PYGL: variants seen among roughly 807,000 people sequenced by gnomAD.
PYGL encodes glycogen phosphorylase L.
In PYGL, 90 loss-of-function variants were observed where a neutral mutation model predicts 100.1. The ratio of observed to expected loss-of-function variants is 0.90; its 90% CI spans 0.76 to 1.07. The LOEUF is 1.07. Ranked by LOEUF, PYGL falls within the 50% of genes least tolerant of loss-of-function variation. The pLI is 0.00. For missense variants in PYGL, 1,016 were observed against 1,057.6 expected, an observed-to-expected ratio of 0.96 and a Z score of 0.55; for synonymous variants, 373 against 393.0, an observed-to-expected ratio of 0.95 and a Z score of 0.60.
chr14:50,907,193 C>G (rs1036098288), intron 19 of PYGL, among the ~76,000 whole-genome samples: 3 of 152,102 alleles, frequency 2.0e-5, no homozygotes, highest in African/African-American at 7.2e-5. Context: ...TCTACCCATC[C>G]CTTTTTTTTC....
chr14:50,923,904 G>A (rs752566399), intron 5 of PYGL, 65 bp downstream of exon 5: 1 of 1,532,500 alleles, frequency 6.5e-7, no homozygotes, highest in Non-Finnish European at 9.0e-7. Flanking sequence ...ATGCTACATA[G>A]TCAATGTATT....
intron 4 of PYGL, among the ~76,000 whole-genome samples, chr14:50,930,913 AAC>A (rs894831779): frequency 1.3e-5 from 2 of 151,794 alleles, no homozygotes; most frequent in African/African-American, 4.9e-5. Context: ...TGTAGACTCA[AAC>A]AGTTACCAGA....
rs897164381 is a variant in PYGL at position 50,912,476 on chromosome 14, G to A, written c.1621-173C>T. 6.4e-6 allele frequency: 5 copies of A among 780,402 alleles called. No individual in the cohort carries two copies. In the African/African-American group the frequency reaches 8.7e-5, roughly 14 times the overall value. The allele number at this position is 780,402 out of a possible 1,614,324, so 48.3% of individuals were successfully genotyped here. On this transcript the variant is annotated intron_variant, in intron 13 of 19. Coordinates refer to ENST00000216392, the MANE Select transcript of PYGL (RefSeq NM_002863.5). ...CACATTCAAGCGATTATCCTATCAG[G>A]GATTACAGGTATACACCACTACTGC... is the stretch of plus-strand genomic sequence containing the variant.
intron 16 of PYGL, among the ~76,000 whole-genome samples, chr14:50,910,871 C>T (rs760523717): frequency 5.3e-5 from 8 of 152,222 alleles, no homozygotes; most frequent in East Asian, 1.9e-4. Flanking sequence ...CTGATTTGCA[C>T]GCAAATTAGA....
chr14:50,938,947 A>T (rs1167399732), intron 1 of PYGL, among the ~76,000 whole-genome samples: 1 of 152,194 alleles, frequency 6.6e-6, no homozygotes, highest in African/African-American at 2.4e-5. Context: ...AAACACAAAG[A>T]TTAACTCCCA....
rs113929915 is a variant in PYGL, at chr14:50,937,469, T to C, written c.345+267A>G. On this transcript the variant is annotated intron_variant, in intron 2 of 19. Transcript: ENST00000216392. ...CTTGTTCAGACACTAATTTCTGAAA[T>C]GTAATCTGTGAGGAATGCTGTCAAA... is the stretch of plus-strand genomic sequence containing the variant. Among the ~76,000 whole-genome samples, 280 of 152,372 alleles carry C rather than the reference T, an allele frequency of 1.8e-3. 2 individuals carry two copies. The highest frequency in any genetic ancestry group is 6.4e-3 in the African/African-American group (267 of 41,592).
chr14:50,929,820 A>G (rs879542599), intron 4 of PYGL, among the ~76,000 whole-genome samples: 1 of 152,236 alleles, frequency 6.6e-6, no homozygotes, highest in Non-Finnish European at 1.5e-5. Context: ...TTTCATTTTT[A>G]TAACTTTTAA....
chr14:50,915,012 A>G (rs2050432501), intron 11 of PYGL, among the ~76,000 whole-genome samples, 197 bp from the exon 12 acceptor site: 1 of 152,224 alleles, frequency 6.6e-6, no homozygotes, highest in Non-Finnish European at 1.5e-5. Flanking sequence ...AATTACCAGA[A>G]AAATTCCAAA....
At chr14:50,939,567 G>A (rs1413825502) in intron 1 of PYGL, among the ~76,000 whole-genome samples, 37 of 151,546 alleles carry the variant, frequency 2.4e-4, no homozygotes, top group Non-Finnish European at 1.5e-5. Flanking sequence ...TTTATATACA[G>A]CACAGTTTAC....
chr14:50,939,482 A>T (rs996869456), intron 1 of PYGL, among the ~76,000 whole-genome samples: 1 of 152,200 alleles, frequency 6.6e-6, no homozygotes, highest in Non-Finnish European at 1.5e-5. Flanking sequence ...TTTGCCTTTG[A>T]CATGGTAAAA....
chr14:50,912,497 A>G (rs2050409065), intron 13 of PYGL, 194 bp from the exon 14 acceptor site: 1 of 660,296 alleles, frequency 1.5e-6, no homozygotes, highest in Admixed American at 2.8e-5. Flanking sequence ...ATACACCACT[A>G]CTGCCTGGCT....
chr14:50,927,689 G>C (rs1379131242), intron 4 of PYGL, among the ~76,000 whole-genome samples: 1 of 152,180 alleles, frequency 6.6e-6, no homozygotes, highest in Non-Finnish European at 1.5e-5. Flanking sequence ...ATCTCCCGCT[G>C]ATTCAATAAA....
At chr14:50,923,687 C>CAAAAAAAA (rs762951824) in intron 5 of PYGL, 40 of 119,560 alleles carry the variant, frequency 3.3e-4, no homozygotes, top group East Asian at 1.6e-3. Context: ...AATTTTCTGG[C>CAAAAAAAA]AAAAAAAAAA....
In PYGL at chr14:50,944,414, G is replaced by A. The variant is rs1442152602; in HGVS notation, c.-11C>T. On this transcript the variant is annotated 5_prime_UTR_variant, in exon 1 of 20. Transcript: ENST00000216392. The stretch of plus-strand genomic sequence containing the variant: ...CAGGGGCTTCGCCATGGCTGGGGCG[G>A]CGGGCTGCGCGGCGGGCTGCGCAGA... The A allele has an allele frequency of 6.3e-7, 1 of 1,597,148 alleles. No homozygotes were observed. Among genetic ancestry groups the A allele is most frequent in the South Asian group, 1.1e-5 (1 of 90,102 alleles).
Position 50,921,095 on chromosome 14 carries a change from C to T in PYGL, c.661-28G>A, listed in dbSNP as rs762115596. 27 of 1,533,444 alleles carry T rather than the reference C, an allele frequency of 1.8e-5. No individual in the cohort carries two copies. The African/African-American group carries it at 3.3e-4, about 19-fold the overall frequency. 95.0% of individuals were successfully genotyped at this position (1,533,444 alleles called of 1,614,324 possible). Reference sequence around the variant, plus strand: ...GTGGGATTAAACAGAAGCAGCTGCTCATTGTTTCCCAAGTGTGATGACATA... The same window carrying T: ...GTGGGATTAAACAGAAGCAGCTGCTTATTGTTTCCCAAGTGTGATGACATA... On this transcript the variant is annotated intron_variant, in intron 5 of 19. Transcript: ENST00000216392.
At chr14:50,942,342 G>A (rs2050708782) in intron 1 of PYGL, among the ~76,000 whole-genome samples, 1 of 140,078 alleles carries the variant, frequency 7.1e-6, no homozygotes, top group South Asian at 2.5e-4. Flanking sequence ...CACTGCATAA[G>A]CCACTGAAGG....
chr14:50,932,699 G>C (rs1045055868), intron 3 of PYGL, among the ~76,000 whole-genome samples: 2 of 152,298 alleles, frequency 1.3e-5, no homozygotes, highest in Middle Eastern at 3.4e-3. Flanking sequence ...CCAACAGGCT[G>C]GGTAAGGATC....
chr14:50,923,706 AAAAG>A (rs1428997844), intron 5 of PYGL: 8 of 295,518 alleles, frequency 2.7e-5, no homozygotes, highest in Non-Finnish European at 5.1e-5. Context: ...AAAAAAAAAA[AAAAG>A]AACTGACAAT....
rs563495608 is a variant in PYGL at position 50,923,751 on chromosome 14, T to G, written c.660+218A>C. The G allele has an allele frequency of 1.4e-3, 572 of 408,280 alleles. 6 individuals are homozygous for G. The highest frequency in any genetic ancestry group is 2.1e-3 in the Non-Finnish European group (498 of 238,000). The allele number at this position is 408,280 out of a possible 1,614,324, so 25.3% of individuals were successfully genotyped here. A position where few individuals can be genotyped will look rare whatever the true frequency, so the allele number is the denominator to read the frequency against. On this transcript the variant is annotated intron_variant, in intron 5 of 19. Coordinates refer to ENST00000216392, the MANE Select transcript of PYGL (RefSeq NM_002863.5). Reference sequence around the variant, plus strand: ...GACAAAGCTGGTTGCAAAATGACCCTTATAAAAGTCACTCCTCTCTTGGCC... The same window carrying G: ...GACAAAGCTGGTTGCAAAATGACCCGTATAAAAGTCACTCCTCTCTTGGCC...
Sources: gnomAD v4.1 joint callset for allele counts (sites outside exome capture counted in the v4.1 genomes callset) on GRCh38, gnomAD v4.1.1 for gene constraint, MANE v1.5 for transcripts, NCBI Gene and HGNC (gene_info 2026-07-23, HGNC 2026-07-21) for gene names.